Variants in EFCAB13 observed in about 807,000 individuals in gnomAD.
The protein encoded by EFCAB13 is EF-hand calcium binding domain 13.
In EFCAB13, 91 loss-of-function variants were observed where a neutral mutation model predicts 110.2. That is an observed-to-expected ratio of 0.83 (90% CI 0.70 to 0.98). The LOEUF (loss-of-function observed/expected upper bound fraction) is 0.98. Ranked by LOEUF, EFCAB13 falls within the 50% of genes least tolerant of loss-of-function variation. The pLI, the probability that EFCAB13 is intolerant of heterozygous loss-of-function variation, is 0.00. For synonymous variants in EFCAB13, 323 were observed against 369.9 expected (o/e 0.87, Z 1.45); for missense variants, 968 against 1,119.4 (o/e 0.86, Z 1.93).
chr17:47,345,057 A>G lies in EFCAB13; in HGVS notation c.476A>G (p.Asp159Gly), dbSNP rs746395501. Residue 159 changes from aspartate (D) to glycine (G), a missense_variant, in exon 8 of 25, where the codon GAT becomes GGT. Coordinates refer to ENST00000331493, the MANE Select transcript of EFCAB13 (RefSeq NM_152347.5). Reference protein sequence around the residue: ...MLSNLYMTLYDEVTHGYLHSK... With the variant: ...MLSNLYMTLYGEVTHGYLHSK... ...TCTAACCTCTACATGACATTATATG[A>G]TGAAGTAACCCATGGATATTTACAC... 59 of 1,607,170 alleles carry G rather than the reference A, an allele frequency of 3.7e-5. No homozygotes were observed. The highest frequency in any genetic ancestry group is 4.9e-5 in the Non-Finnish European group (58 of 1,176,846).
chr17:47,399,008 C>G (rs2065764479), intron 17 of EFCAB13, among the ~76,000 whole-genome samples: 1 of 152,198 alleles, frequency 6.6e-6, no homozygotes, highest in Non-Finnish European at 1.5e-5. Context: ...ACTGCAACCT[C>G]TGCCTCCCGG....
chr17:47,423,622 C>G (rs1310642426), intron 23 of EFCAB13: 1 of 362,340 alleles, frequency 2.8e-6, no homozygotes, highest in Non-Finnish European at 4.9e-6. Context: ...CGCCCCGGTC[C>G]ATTGTTTCGC....
At chr17:47,350,963 A>G (rs2065446354) in intron 9 of EFCAB13, among the ~76,000 whole-genome samples, 1 of 152,146 alleles carries the variant, frequency 6.6e-6, no homozygotes. Flanking sequence ...GTTTTGTTAC[A>G]AGATATATTG....
intron 9 of EFCAB13, among the ~76,000 whole-genome samples, chr17:47,355,570 A>ATTTTTTTTTTTTTTTTTT (rs71365066): frequency 1.7e-5 from 2 of 120,346 alleles, no homozygotes; most frequent in Non-Finnish European, 1.7e-5. Context: ...GGCTTTGTTC[A>ATTTTTTTTTTTTTTTTTT]TTTTTTTTTT....
At chr17:47,377,953 C>T (rs776910581) in intron 13 of EFCAB13, 50 bp downstream of exon 13, 500 of 1,493,690 alleles carry the variant, frequency 3.3e-4, no homozygotes, top group Non-Finnish European at 4.2e-4. Flanking sequence ...ATATTTTTAT[C>T]GGATAGTATT....
intron 20 of EFCAB13, among the ~76,000 whole-genome samples, chr17:47,405,890 T>G (rs888682198): frequency 5.9e-5 from 9 of 151,948 alleles, no homozygotes; most frequent in Admixed American, 5.9e-4. Context: ...TCTAATTTCT[T>G]GTTTAAATTA....
rs114829566 is a variant in EFCAB13, at chr17:47,351,118, C to T, written c.661+3167C>T. 4.3e-3 allele frequency among the ~76,000 whole-genome samples: 661 copies of T among 152,256 alleles called. 4 individuals carry two copies. The highest frequency in any genetic ancestry group is 0.015 in the African/African-American group (624 of 41,532). ...ATTTCATGCTCTATGTCCATGTGTACACATTTGGCTCCCACCTATAAATTT... is the reference window on the plus strand; with the variant it reads ...ATTTCATGCTCTATGTCCATGTGTATACATTTGGCTCCCACCTATAAATTT... On this transcript the variant is annotated intron_variant, in intron 9 of 24. Transcript: ENST00000331493.
chr17:47,361,828 AG>A lies in EFCAB13; in HGVS notation c.805+308del, dbSNP rs540683584. On this transcript the variant is annotated intron_variant, in intron 10 of 24. Transcript: ENST00000331493. ...TCTTTGTGGAGAAGTAGTTTCTTGTAGTATCAAGAGCATTGACTCCACAAGT... is the reference window on the plus strand; with the variant it reads ...TCTTTGTGGAGAAGTAGTTTCTTGTATATCAAGAGCATTGACTCCACAAGT... Among the ~76,000 whole-genome samples the A allele has an allele frequency of 1.8e-4, 27 of 152,304 alleles. No individual in the cohort carries two copies. The South Asian group carries it at 3.7e-3, about 21-fold the overall frequency.
intron 9 of EFCAB13, among the ~76,000 whole-genome samples, chr17:47,349,547 T>A (rs898121673): frequency 1.3e-5 from 2 of 152,134 alleles, no homozygotes; most frequent in African/African-American, 4.8e-5. Flanking sequence ...ATTCTATATA[T>A]AATGTCGACT....
At position 47,328,318 on chromosome 17, in the gene EFCAB13, A is replaced by C. The variant is rs200150265; in HGVS notation, c.-36A>C. The C allele has an allele frequency of 6.3e-7, 1 of 1,585,180 alleles. No individual in the cohort carries two copies. The highest frequency in any genetic ancestry group is 2.2e-5 in the East Asian group (1 of 44,660). Reference sequence around the variant, plus strand: ...TTCATACTTGTTCATCAAAGCCTGGAGTCCTTAAGGACAGAATTTACCTCT... The same window carrying C: ...TTCATACTTGTTCATCAAAGCCTGGCGTCCTTAAGGACAGAATTTACCTCT... On this transcript the variant is annotated 5_prime_UTR_variant, in exon 4 of 25. Transcript: ENST00000331493.
intron 9 of EFCAB13, among the ~76,000 whole-genome samples, chr17:47,357,510 G>A (rs1317444071): frequency 6.6e-6 from 1 of 152,124 alleles, no homozygotes; most frequent in Admixed American, 6.5e-5. Flanking sequence ...TGCCTCCCTG[G>A]TTCAAGCAAT....
At chr17:47,372,987 C>A (rs1327723008) in intron 11 of EFCAB13, among the ~76,000 whole-genome samples, 1 of 151,940 alleles carries the variant, frequency 6.6e-6, no homozygotes, top group African/African-American at 2.4e-5. Context: ...GTTTTCTGTT[C>A]TTCTTTATGT....
chr17:47,380,811 T>G (rs1430327265), intron 14 of EFCAB13, among the ~76,000 whole-genome samples: 1 of 152,132 alleles, frequency 6.6e-6, no homozygotes, highest in Non-Finnish European at 1.5e-5. Context: ...GGTTTTGATT[T>G]GCATTTCTCT....
At chr17:47,420,768 A>G in intron 23 of EFCAB13, among the ~76,000 whole-genome samples, 1 of 152,132 alleles carries the variant, frequency 6.6e-6, no homozygotes, top group Non-Finnish European at 1.5e-5. Flanking sequence ...CCCGTCTGGG[A>G]AGTGAGGAGC....
intron 23 of EFCAB13, among the ~76,000 whole-genome samples, chr17:47,420,092 C>T (rs888445653): frequency 2.6e-5 from 4 of 152,328 alleles, no homozygotes; most frequent in East Asian, 3.9e-4. Flanking sequence ...CAATTGCAGG[C>T]GCACGCCGCC....
intron 4 of EFCAB13, among the ~76,000 whole-genome samples, 156 bp downstream of exon 4, chr17:47,328,539 A>G (rs999270508): frequency 6.6e-6 from 1 of 152,196 alleles, no homozygotes; most frequent in African/African-American, 2.4e-5. Flanking sequence ...CATTTTAGTG[A>G]ACATGTATTG....
chr17:47,325,275 C>A (rs1386102105), intron 2 of EFCAB13, among the ~76,000 whole-genome samples: 1 of 151,616 alleles, frequency 6.6e-6, no homozygotes, highest in African/African-American at 2.4e-5. Context: ...TAGACCCCCA[C>A]CCCCGCATCA....
intron 14 of EFCAB13, among the ~76,000 whole-genome samples, chr17:47,382,370 G>A (rs1404864556): frequency 1.3e-5 from 2 of 152,072 alleles, no homozygotes; most frequent in African/African-American, 4.8e-5. Flanking sequence ...CCTGATTGCT[G>A]TGGGGAGAAC....
intron 14 of EFCAB13, among the ~76,000 whole-genome samples, chr17:47,384,773 T>A (rs1464458965): frequency 1.4e-5 from 2 of 142,564 alleles, no homozygotes; most frequent in African/African-American, 5.1e-5. Flanking sequence ...TGCCCTTAAC[T>A]TTTTTTTTTT....
Sources: allele counts gnomAD v4.1 joint callset (sites outside exome capture counted in the v4.1 genomes callset), GRCh38; gene constraint gnomAD v4.1.1; transcripts MANE v1.5; gene names NCBI Gene and HGNC (gene_info 2026-07-23, HGNC 2026-07-21).